Variants in ATP13A5 observed in about 807,000 individuals in gnomAD.
The protein encoded by ATP13A5 is ATPase 13A5.
ATP13A5 carries 149 observed loss-of-function variants against 150.2 expected under a neutral mutation model. That is an observed-to-expected ratio of 0.99 (90% CI 0.87 to 1.14). ATP13A5 has a LOEUF of 1.14. Ranked by LOEUF, ATP13A5 falls within the 50% of genes most tolerant of loss-of-function variation. The pLI is 0.00. For synonymous variants in ATP13A5, 497 were observed against 522.2 expected (o/e 0.95, Z 0.66); for missense variants, 1,383 against 1,449.3 (o/e 0.95, Z 0.74).
chr3:193,296,438 G>T, intron 25 of ATP13A5, among the ~76,000 whole-genome samples: 1 of 152,096 alleles, frequency 6.6e-6, no homozygotes, highest in Non-Finnish European at 1.5e-5. Context: ...TTATTAAATA[G>T]GGAATCCTTT....
intron 1 of ATP13A5, among the ~76,000 whole-genome samples, chr3:193,368,690 C>T (rs1219555370): frequency 6.6e-6 from 1 of 152,098 alleles, no homozygotes; most frequent in Non-Finnish European, 1.5e-5. Context: ...GGGTGATTTG[C>T]TCAACAAACA....
At chr3:193,279,317 T>C in intron 28 of ATP13A5, 49 bp downstream of exon 28, 2 of 1,362,552 alleles carry the variant, frequency 1.5e-6, no homozygotes, top group Non-Finnish European at 2.1e-6. Context: ...AATGAATACA[T>C]GGTCCATGTA....
intron 7 of ATP13A5, among the ~76,000 whole-genome samples, chr3:193,348,780 T>C (rs1025107935): frequency 6.6e-6 from 1 of 152,214 alleles, no homozygotes; most frequent in African/African-American, 2.4e-5. Context: ...AGATGCTCCT[T>C]CTTTCAGTCC....
Position 193,364,102 on chromosome 3 carries a change from C to T in ATP13A5, c.237+5G>A, listed in dbSNP as rs189350276. On this transcript the variant is annotated splice_donor_5th_base_variant and intron_variant, in intron 2 of 29. Transcript: ENST00000342358. ...TTTCAAAATAGAAAACAGAAAGGCA[C>T]GCACTGTTGTCCTCAGCAAAACAGT... 158 of 1,613,644 alleles carry T rather than the reference C, an allele frequency of 9.8e-5. 1 individual carries two copies. In the East Asian group the frequency reaches 3.0e-3, roughly 31 times the overall value.
chr3:193,337,960 T>C (rs1040471730), intron 9 of ATP13A5, among the ~76,000 whole-genome samples: 3 of 152,186 alleles, frequency 2.0e-5, no homozygotes, highest in African/African-American at 7.2e-5. Context: ...CCCTTGTAAG[T>C]TGGATTCCTA....
At chr3:193,289,200 CTT>C (rs1379077238) in intron 26 of ATP13A5, among the ~76,000 whole-genome samples, 1 of 152,088 alleles carries the variant, frequency 6.6e-6, no homozygotes, top group Non-Finnish European at 1.5e-5. Flanking sequence ...GGCAGAAAGA[CTT>C]TGTCAGCAAA....
intron 25 of ATP13A5, among the ~76,000 whole-genome samples, chr3:193,296,329 A>G (rs1718169158): frequency 1.3e-5 from 2 of 152,084 alleles, no homozygotes; most frequent in South Asian, 4.1e-4. Context: ...GGGTGTTGCC[A>G]TGTTTGAGGG....
intron 21 of ATP13A5, 149 bp downstream of exon 21, chr3:193,310,489 T>C: frequency 1.7e-6 from 1 of 601,616 alleles, no homozygotes; most frequent in Admixed American, 3.3e-5. Flanking sequence ...CCACCAATAG[T>C]GTATAAGTGT....
At chr3:193,281,577 AAGCCTCTACTTTTTCATAAAGTTG>A (rs1329585914) in intron 27 of ATP13A5, among the ~76,000 whole-genome samples, 1 of 152,186 alleles carries the variant, frequency 6.6e-6, no homozygotes, top group African/African-American at 2.4e-5. Flanking sequence ...CAGAAAAGTT[AAGCCTCTACTTTTTCATAAAGTTG>A]AGCTTCTGTC....
At chr3:193,342,624 T>A (rs1485640118) in intron 9 of ATP13A5, among the ~76,000 whole-genome samples, 1 of 152,130 alleles carries the variant, frequency 6.6e-6, no homozygotes, top group East Asian at 1.9e-4. Flanking sequence ...AAGGCAGCGT[T>A]GTTTGTCATT....
At chr3:193,327,700 A>G (rs1425213917) in intron 12 of ATP13A5, among the ~76,000 whole-genome samples, 1 of 152,216 alleles carries the variant, frequency 6.6e-6, no homozygotes, top group African/African-American at 2.4e-5. Context: ...AGATAATGAA[A>G]CAGAGAAAGA....
At chr3:193,362,318 A>T in intron 5 of ATP13A5, 63 bp downstream of exon 5, 1 of 1,409,640 alleles carries the variant, frequency 7.1e-7, no homozygotes, top group South Asian at 1.2e-5. Flanking sequence ...ACTGATGATA[A>T]CTGATTTGAT....
intron 3 of ATP13A5, 127 bp from the exon 4 acceptor site, chr3:193,362,764 TC>T: frequency 4.5e-6 from 1 of 222,168 alleles, no homozygotes; most frequent in East Asian, 5.2e-5. Flanking sequence ...TTTCTTTCTT[TC>T]TTTCTTTCTT....
intron 2 of ATP13A5, 50 bp downstream of exon 2, chr3:193,364,057 A>G: frequency 6.3e-7 from 1 of 1,585,502 alleles, no homozygotes; most frequent in African/African-American, 1.3e-5. Flanking sequence ...CAGAGGCAAT[A>G]CAGAAGACAC....
chr3:193,328,232 A>C (rs1719543767), intron 12 of ATP13A5, among the ~76,000 whole-genome samples: 1 of 152,232 alleles, frequency 6.6e-6, no homozygotes, highest in Non-Finnish European at 1.5e-5. Context: ...GGTATGTGGA[A>C]AGACAAAGCT....
Position 193,351,105 on chromosome 3 carries a change from C to T in ATP13A5, c.703G>A (p.Val235Ile). The part of the protein sequence containing the change: ...EYSVAIIILT[V>I]ISIVLSVYDL... ...TACACACTTAAGACAATGGAGATAA[C>T]AGTCAAAATGATGATGGCCACAGAG... The change falls in exon 7 of 30, where the codon GTT (valine) becomes ATT (isoleucine). Residue 235 changes from valine to isoleucine, a missense_variant. Physicochemically the swap from Val to Ile is conservative, Grantham distance 29. Transcript: ENST00000342358. 3.1e-6 allele frequency: 5 copies of T among 1,613,664 alleles called. No homozygotes were observed. The highest frequency in any genetic ancestry group is 4.2e-6 in the Non-Finnish European group (5 of 1,179,714).
At chr3:193,362,919 T>C (rs960823604) in intron 3 of ATP13A5, among the ~76,000 whole-genome samples, 57 of 152,178 alleles carry the variant, frequency 3.7e-4, no homozygotes, top group African/African-American at 1.4e-3. Flanking sequence ...CTCAACCTCC[T>C]GAGTAGCTGG....
chr3:193,311,813 T>C lies in ATP13A5; in HGVS notation c.2445+3A>G, dbSNP rs781250426. 1 of 1,613,762 alleles carries C rather than the reference T, an allele frequency of 6.2e-7. No individual in the cohort carries two copies. Among genetic ancestry groups the C allele is most frequent in the Non-Finnish European group, 8.5e-7 (1 of 1,179,820 alleles). ...ACAAAACACTTCTTTCTTCAGTACT[T>C]ACTTTTGGAAGCAAGCTGTTGAAAT... On this transcript the variant is annotated splice_donor_region_variant and intron_variant, in intron 20 of 29. Coordinates refer to ENST00000342358, the MANE Select transcript of ATP13A5 (RefSeq NM_198505.4).
chr3:193,353,921 C>CAAAAA (rs1428701194), intron 6 of ATP13A5, among the ~76,000 whole-genome samples: 1 of 151,796 alleles, frequency 6.6e-6, no homozygotes, highest in East Asian at 1.9e-4. Context: ...CAAAACAAAA[C>CAAAAA]AAACAGGAGA....
Sources: allele counts gnomAD v4.1 joint callset (sites outside exome capture counted in the v4.1 genomes callset), GRCh38; gene constraint gnomAD v4.1.1; transcripts MANE v1.5; gene names NCBI Gene and HGNC (gene_info 2026-07-23, HGNC 2026-07-21).